Variants in RSRC1 observed in about 807,000 individuals in gnomAD.
RSRC1 encodes arginine and serine rich coiled-coil 1, also known as serine/Arginine-related protein 53.
Under a neutral mutation model 49.1 loss-of-function variants are expected in RSRC1, and 39 were observed. The observed-to-expected ratio is 0.79, with a 90% CI of 0.61 to 1.04. The LOEUF is 1.04. RSRC1 is among the 50% of genes least tolerant of loss of function. The pLI is 0.00. For synonymous variants in RSRC1, 143 were observed against 130.8 expected, an observed-to-expected ratio of 1.09 and a Z score of -0.63; for missense variants, 388 against 402.4, an observed-to-expected ratio of 0.96 and a Z score of 0.31.
rs545668603 is a variant in RSRC1, at chr3:158,530,789, C to T, written c.653-6303C>T. Among the ~76,000 whole-genome samples the T allele has an allele frequency of 3.3e-5, 5 of 151,628 alleles. No homozygotes were observed. In the East Asian group the frequency reaches 9.8e-4, roughly 30 times the overall value. On this transcript the variant is annotated intron_variant, in intron 7 of 9. Coordinates refer to ENST00000611884, the MANE Select transcript of RSRC1 (RefSeq NM_001271838.2). The stretch of plus-strand genomic sequence containing the variant: ...TAACCCAGATAGCCCAAACCCAGAG[C>T]CCTTAAAACTCACCACTGAGGGTGC...
At chr3:158,265,263 G>T (rs1258802705) in intron 4 of RSRC1, among the ~76,000 whole-genome samples, 1 of 152,114 alleles carries the variant, frequency 6.6e-6, no homozygotes, top group Non-Finnish European at 1.5e-5. Context: ...GTTGTTGCTG[G>T]TTTTGGTTGT....
chr3:158,200,870 G>A (rs956417424), intron 3 of RSRC1, among the ~76,000 whole-genome samples: 1 of 151,934 alleles, frequency 6.6e-6, no homozygotes, highest in Non-Finnish European at 1.5e-5. Context: ...TTTACTTTGA[G>A]CACTTATATG....
intron 4 of RSRC1, among the ~76,000 whole-genome samples, chr3:158,257,448 A>G (rs956352286): frequency 4.6e-5 from 7 of 152,142 alleles, no homozygotes; most frequent in African/African-American, 9.7e-5. Flanking sequence ...TCTGATATAC[A>G]TATGGTTATT....
At chr3:158,377,224 A>G (rs935760886) in intron 6 of RSRC1, among the ~76,000 whole-genome samples, 3 of 152,078 alleles carry the variant, frequency 2.0e-5, no homozygotes, top group African/African-American at 7.2e-5. Flanking sequence ...TTTTGCTGTA[A>G]TTTCTTCAAA....
At chr3:158,159,104 T>G (rs1160947067) in intron 3 of RSRC1, among the ~76,000 whole-genome samples, 1 of 152,044 alleles carries the variant, frequency 6.6e-6, no homozygotes, top group Non-Finnish European at 1.5e-5. Flanking sequence ...TAAGGAACAG[T>G]GTAGTTTGGC....
intron 6 of RSRC1, among the ~76,000 whole-genome samples, chr3:158,355,394 T>A (rs1187404698): frequency 6.6e-6 from 1 of 151,790 alleles, no homozygotes; most frequent in Admixed American, 6.6e-5. Flanking sequence ...GGTTTTACAC[T>A]TTACATTTAA....
intron 4 of RSRC1, among the ~76,000 whole-genome samples, chr3:158,236,787 G>C (rs1723273049): frequency 6.6e-6 from 1 of 152,170 alleles, no homozygotes; most frequent in Admixed American, 6.5e-5. Context: ...TGCAGACTGG[G>C]TGGTCTTGCA....
At chr3:158,525,868 G>T (rs927428710) in intron 7 of RSRC1, among the ~76,000 whole-genome samples, 2 of 151,926 alleles carry the variant, frequency 1.3e-5, no homozygotes, top group African/African-American at 4.8e-5. Flanking sequence ...ATCTGTGGTT[G>T]TCTGGGGGTC....
chr3:158,319,502 G>T (rs1160261411), intron 5 of RSRC1, among the ~76,000 whole-genome samples: 2 of 152,128 alleles, frequency 1.3e-5, no homozygotes, highest in African/African-American at 4.8e-5. Context: ...TTGTTCCAAG[G>T]TTGACCAAGC....
At chr3:158,308,421 G>C (rs960793945) in intron 5 of RSRC1, among the ~76,000 whole-genome samples, 1 of 151,818 alleles carries the variant, frequency 6.6e-6, no homozygotes, top group Non-Finnish European at 1.5e-5. Context: ...AGGCTGCAAG[G>C]CGTCTCTCGG....
At chr3:158,513,853 G>T (rs998104595) in intron 7 of RSRC1, among the ~76,000 whole-genome samples, 5 of 152,212 alleles carry the variant, frequency 3.3e-5, no homozygotes, top group Non-Finnish European at 7.3e-5. Context: ...TTGGGAGAGT[G>T]TATGTGTCAA....
intron 6 of RSRC1, among the ~76,000 whole-genome samples, chr3:158,362,640 G>A (rs1205103281): frequency 6.6e-6 from 1 of 152,180 alleles, no homozygotes; most frequent in African/African-American, 2.4e-5. Flanking sequence ...TGACAGAAAA[G>A]ACAGTAAAAC....
At chr3:158,140,861 T>G (rs575453100) in intron 3 of RSRC1, among the ~76,000 whole-genome samples, 19 of 152,164 alleles carry the variant, frequency 1.2e-4, no homozygotes, top group Non-Finnish European at 2.1e-4. Flanking sequence ...TGTCTAGTAG[T>G]GTTATATAAA....
intron 5 of RSRC1, among the ~76,000 whole-genome samples, chr3:158,338,583 A>C (rs1306034774): frequency 6.6e-6 from 1 of 152,230 alleles, no homozygotes; most frequent in African/African-American, 2.4e-5. Flanking sequence ...GCATCTGAGA[A>C]AGCATGATTA....
chr3:158,187,360 C>T (rs1719990749), intron 3 of RSRC1, among the ~76,000 whole-genome samples: 1 of 151,902 alleles, frequency 6.6e-6, no homozygotes, highest in African/African-American at 2.4e-5. Flanking sequence ...ACTAAACAAG[C>T]ATATTATTAT....
chr3:158,256,164 T>C (rs185772773), intron 4 of RSRC1, among the ~76,000 whole-genome samples: 1 of 152,224 alleles, frequency 6.6e-6, no homozygotes, highest in East Asian at 1.9e-4. Context: ...ATGCTTCCAG[T>C]TTTTGCCCAT....
chr3:158,328,693 A>C (rs1252514676), intron 5 of RSRC1, among the ~76,000 whole-genome samples: 2 of 152,112 alleles, frequency 1.3e-5, no homozygotes. Flanking sequence ...ACTTTGGTGA[A>C]TCTGACAATT....
intron 6 of RSRC1, among the ~76,000 whole-genome samples, chr3:158,411,425 G>C (rs1226044942): frequency 6.6e-6 from 1 of 151,902 alleles, no homozygotes; most frequent in African/African-American, 2.4e-5. Flanking sequence ...TAGTATGTAA[G>C]AATTCCCATT....
chr3:158,472,156 A>C (rs1451847601), intron 7 of RSRC1, among the ~76,000 whole-genome samples: 1 of 152,104 alleles, frequency 6.6e-6, no homozygotes, highest in African/African-American at 2.4e-5. Flanking sequence ...TTTTAAATCC[A>C]AGTTGTTTTA....
Sources: gnomAD v4.1 joint callset for allele counts (sites outside exome capture counted in the v4.1 genomes callset) on GRCh38, gnomAD v4.1.1 for gene constraint, MANE v1.5 for transcripts, NCBI Gene and HGNC (gene_info 2026-07-23, HGNC 2026-07-21) for gene names.